The following C1orf105 variants were observed in gnomAD, a reference collection of about 807,000 sequenced individuals.
The protein encoded by C1orf105 is chromosome 1 open reading frame 105.
C1orf105 carries 17 observed loss-of-function variants against 20.8 expected under a neutral mutation model. That is an observed-to-expected ratio of 0.82 (90% CI 0.56 to 1.23). C1orf105 has a LOEUF of 1.23. Ranked by LOEUF, C1orf105 falls within the 50% of genes most tolerant of loss-of-function variation. The pLI, the probability that C1orf105 is intolerant of heterozygous loss-of-function variation, is 0.00. For synonymous variants in C1orf105, 72 were observed against 72.1 expected (o/e 1.00, Z 0.01); for missense variants, 219 against 213.5 (o/e 1.03, Z -0.16).
chr1:172,448,729 T>C (rs1428109962), intron 3 of C1orf105, among the ~76,000 whole-genome samples, 198 bp downstream of exon 3: 1 of 152,098 alleles, frequency 6.6e-6, no homozygotes, highest in Admixed American at 6.5e-5. Context: ...CCACTAGAAC[T>C]AAGAATACAG....
At chr1:172,465,671 C>A (rs562545788) in intron 6 of C1orf105, 7 of 526,448 alleles carry the variant, frequency 1.3e-5, no homozygotes, top group African/African-American at 9.5e-5. Flanking sequence ...AATAAAAGTT[C>A]CCCTATTGGC....
At chr1:172,435,942 T>C (rs573484250) in intron 1 of C1orf105, among the ~76,000 whole-genome samples, 2 of 152,292 alleles carry the variant, frequency 1.3e-5, no homozygotes, top group South Asian at 4.1e-4. Flanking sequence ...AGCATTCCTA[T>C]ACACCAATAA....
intron 6 of C1orf105, among the ~76,000 whole-genome samples, chr1:172,466,263 C>T (rs897883777): frequency 6.6e-6 from 1 of 152,096 alleles, no homozygotes; most frequent in African/African-American, 2.4e-5. Context: ...GATATCCACT[C>T]GAGTGGAGTG....
In C1orf105 at chr1:172,444,670, GT is replaced by G. The variant is rs541170004; in HGVS notation, c.22-396del. Among the ~76,000 whole-genome samples, 165 of 152,242 alleles carry G rather than the reference GT, an allele frequency of 1.1e-3. 1 individual carries two copies. Among genetic ancestry groups the G allele is most frequent in the African/African-American group, 3.8e-3 (158 of 41,544 alleles). On this transcript the variant is annotated intron_variant, in intron 1 of 6. Transcript: ENST00000367727. Reference sequence around the variant, plus strand: ...CAGTTGTCTATAGCTTCAAAGCTTGGTTTTTTTCCTCTTTACCTCCTAAAAG... The same window carrying G: ...CAGTTGTCTATAGCTTCAAAGCTTGGTTTTTTCCTCTTTACCTCCTAAAAG...
At chr1:172,438,810 CATGAA>C (rs1347599776) in intron 1 of C1orf105, among the ~76,000 whole-genome samples, 4 of 152,148 alleles carry the variant, frequency 2.6e-5, no homozygotes, top group Admixed American at 2.0e-4. Flanking sequence ...TGTCTTATTT[CATGAA>C]ATTGCCACAG....
At chr1:172,454,859 C>G (rs1303116627) in intron 3 of C1orf105, among the ~76,000 whole-genome samples, 1 of 152,200 alleles carries the variant, frequency 6.6e-6, no homozygotes, top group Non-Finnish European at 1.5e-5. Flanking sequence ...GGATGGTGAG[C>G]AGCTTGAGGT....
rs77122416 is a variant in C1orf105, at chr1:172,466,553, T to C, written c.406+1190T>C. ...GACCTGGACTTTTTTCAGACCTGCA[T>C]TGCAAAGGAATGAATCACATACACA... On this transcript the variant is annotated intron_variant, in intron 6 of 6. Transcript: ENST00000367727. 8.0e-3 allele frequency among the ~76,000 whole-genome samples: 1,216 copies of C among 151,366 alleles called. 9 individuals carry two copies. The highest frequency in any genetic ancestry group is 0.014 in the Non-Finnish European group (947 of 67,898).
intron 2 of C1orf105, among the ~76,000 whole-genome samples, chr1:172,445,739 G>A (rs920915454): frequency 8.5e-5 from 13 of 152,170 alleles, no homozygotes; most frequent in Admixed American, 8.5e-4. Context: ...TGGTTCCTAA[G>A]TGTAGTGATA....
chr1:172,464,259 A>G (rs572874834), intron 5 of C1orf105, among the ~76,000 whole-genome samples: 1 of 152,354 alleles, frequency 6.6e-6, no homozygotes, highest in Non-Finnish European at 1.5e-5. Context: ...CAAAATGGAT[A>G]ATAGAAGGGG....
At chr1:172,439,219 C>T (rs773821761) in intron 1 of C1orf105, among the ~76,000 whole-genome samples, 4 of 152,162 alleles carry the variant, frequency 2.6e-5, no homozygotes, top group Non-Finnish European at 4.4e-5. Context: ...TATATACACA[C>T]TTATATATGA....
At chr1:172,468,369 G>C in intron 6 of C1orf105, 80 bp from the exon 7 acceptor site, 1 of 1,124,528 alleles carries the variant, frequency 8.9e-7, no homozygotes. Flanking sequence ...GTCTTTGTTG[G>C]CCTGTGGTTA....
At chr1:172,447,149 A>C (rs1160437384) in intron 2 of C1orf105, among the ~76,000 whole-genome samples, 1 of 152,220 alleles carries the variant, frequency 6.6e-6, no homozygotes, top group Non-Finnish European at 1.5e-5. Context: ...TATTTTTGGC[A>C]AAGCCCCTTA....
At chr1:172,447,774 T>C (rs529889780) in intron 2 of C1orf105, among the ~76,000 whole-genome samples, 1 of 152,374 alleles carries the variant, frequency 6.6e-6, no homozygotes, top group South Asian at 2.1e-4. Context: ...TCTGAGTTTC[T>C]ATTTCTTGGA....
intron 1 of C1orf105, among the ~76,000 whole-genome samples, chr1:172,425,479 G>A (rs1378697776): frequency 2.0e-5 from 3 of 152,098 alleles, no homozygotes; most frequent in African/African-American, 7.2e-5. Flanking sequence ...TATAGGCGTG[G>A]TCTAAGCTAG....
chr1:172,444,021 G>A (rs1429609816), intron 1 of C1orf105: 7 of 1,000,018 alleles, frequency 7.0e-6, no homozygotes, highest in South Asian at 4.7e-5. Context: ...GCTGGGGGAC[G>A]GCGGCACCCA....
Position 172,442,293 on chromosome 1 carries a change from C to A in C1orf105, c.22-2780C>A, listed in dbSNP as rs151276937. ...CAGCCCACCGGGTCTGCCCACTCTT[C>A]TTCCGCCCTTCACCTCCATCAATGA... On this transcript the variant is annotated intron_variant, in intron 1 of 6. Transcript: ENST00000367727. 224 of 1,613,564 alleles carry A rather than the reference C, an allele frequency of 1.4e-4. No individual in the cohort carries two copies. The highest frequency in any genetic ancestry group is 1.8e-4 in the Non-Finnish European group (215 of 1,180,038).
intron 1 of C1orf105, among the ~76,000 whole-genome samples, chr1:172,433,277 G>T (rs1384763270): frequency 2.6e-5 from 4 of 152,124 alleles, no homozygotes; most frequent in Non-Finnish European, 5.9e-5. Context: ...CCCTTGAGAA[G>T]AGCAACCCCA....
chr1:172,424,366 C>G (rs2071669932), intron 1 of C1orf105, among the ~76,000 whole-genome samples: 1 of 152,168 alleles, frequency 6.6e-6, no homozygotes, highest in Non-Finnish European at 1.5e-5. Context: ...GCCTCTCAGG[C>G]TTTTAGGGGT....
intron 3 of C1orf105, chr1:172,453,094 T>C (rs1375276183): frequency 3.9e-6 from 6 of 1,550,740 alleles, no homozygotes; most frequent in Non-Finnish European, 3.5e-6. Flanking sequence ...CTGTCACAGC[T>C]GCCTTCCACG....
Sources: allele counts gnomAD v4.1 joint callset (sites outside exome capture counted in the v4.1 genomes callset), GRCh38; gene constraint gnomAD v4.1.1; transcripts MANE v1.5; gene names NCBI Gene and HGNC (gene_info 2026-07-23, HGNC 2026-07-21).